RAD50: variants seen among roughly 807,000 people sequenced by gnomAD.
RAD50 encodes RAD50 double strand break repair protein.
Under a neutral mutation model 168.8 loss-of-function variants are expected in RAD50, and 132 were observed. The ratio of observed to expected loss-of-function variants is 0.78; its 90% CI spans 0.68 to 0.90. The LOEUF is 0.90. Ranked by LOEUF, RAD50 falls within the 40% of genes least tolerant of loss-of-function variation. RAD50 has a pLI of 0.00. For missense variants in RAD50, 1,347 were observed against 1,534.4 expected (o/e 0.88, Z 2.04); for synonymous variants, 525 against 497.4 (o/e 1.06, Z -0.74).
chr5:132,603,725 GCTTC>G (rs1189999704), intron 14 of RAD50, among the ~76,000 whole-genome samples, 191 bp from the exon 15 acceptor site: 1 of 152,054 alleles, frequency 6.6e-6, no homozygotes, highest in African/African-American at 2.4e-5. Context: ...TCTTTAGTCA[GCTTC>G]CTTTTGTTTA....
intron 4 of RAD50, 164 bp downstream of exon 4, chr5:132,579,666 T>C: frequency 1.2e-6 from 1 of 840,628 alleles, no homozygotes; most frequent in Non-Finnish European, 1.9e-6. Flanking sequence ...CACTTGTCTT[T>C]CTGTGCGTAT....
intron 19 of RAD50, among the ~76,000 whole-genome samples, chr5:132,610,124 ATCAAC>A (rs1309597101): frequency 6.6e-6 from 1 of 151,924 alleles, no homozygotes; most frequent in East Asian, 1.9e-4. Context: ...GATTTTACCT[ATCAAC>A]TCACAGATGT....
chr5:132,606,040 T>A lies in RAD50; in HGVS notation c.2718+1041T>A, dbSNP rs1019216311. On this transcript the variant is annotated intron_variant, in intron 16 of 24. Transcript: ENST00000378823. ...CAAGAGAAAGCAGGAAATAACTGAA[T>A]TCAACACCTTAACATCAAAATTAAA... Among the ~76,000 whole-genome samples the A allele has an allele frequency of 2.2e-4, 34 of 152,074 alleles. 1 individual carries two copies. The highest frequency in any genetic ancestry group is 7.7e-4 in the African/African-American group (32 of 41,496).
At chr5:132,639,950 C>T (rs1751680712) in intron 23 of RAD50, among the ~76,000 whole-genome samples, 1 of 152,194 alleles carries the variant, frequency 6.6e-6, no homozygotes, top group African/African-American at 2.4e-5. Context: ...GGAAAGGGGA[C>T]TTACAGCTCA....
At chr5:132,581,559 A>G (rs1750505176) in intron 5 of RAD50, among the ~76,000 whole-genome samples, 3 of 152,218 alleles carry the variant, frequency 2.0e-5, no homozygotes, top group Non-Finnish European at 2.9e-5. Context: ...TTTACCTGCA[A>G]CTTTTTTTAA....
chr5:132,619,297 G>A (rs1050329433), intron 21 of RAD50, among the ~76,000 whole-genome samples: 1 of 152,048 alleles, frequency 6.6e-6, no homozygotes, highest in African/African-American at 2.4e-5. Context: ...AGTATATAAG[G>A]GTTTATTTGA....
chr5:132,613,672 C>T (rs1480517482), intron 19 of RAD50, among the ~76,000 whole-genome samples: 1 of 145,630 alleles, frequency 6.9e-6, no homozygotes, highest in Non-Finnish European at 1.5e-5. Flanking sequence ...GGCACAATCT[C>T]GGCTCACTGC....
At chr5:132,635,784 T>C (rs1482775251) in intron 21 of RAD50, among the ~76,000 whole-genome samples, 1 of 152,246 alleles carries the variant, frequency 6.6e-6, no homozygotes, top group Non-Finnish European at 1.5e-5. Context: ...CTTTACATGA[T>C]TGGTCTAACA....
chr5:132,602,152 T>A (rs1018487405), intron 13 of RAD50, among the ~76,000 whole-genome samples: 4 of 152,128 alleles, frequency 2.6e-5, no homozygotes, highest in African/African-American at 7.2e-5. Flanking sequence ...TTAAAAAATT[T>A]TAAAAAACTA....
intron 2 of RAD50, among the ~76,000 whole-genome samples, 170 bp from the exon 3 acceptor site, chr5:132,575,607 A>G (rs1750380803): frequency 6.6e-6 from 1 of 152,246 alleles, no homozygotes; most frequent in African/African-American, 2.4e-5. Context: ...TTTGTAAATT[A>G]ATTAAACAGT....
chr5:132,590,895 A>G (rs1451441961), intron 9 of RAD50, among the ~76,000 whole-genome samples: 3 of 152,236 alleles, frequency 2.0e-5, no homozygotes, highest in Admixed American at 6.5e-5. Context: ...ACATGGGGAC[A>G]TAATAAATAT....
intron 7 of RAD50, 123 bp from the exon 8 acceptor site, chr5:132,588,564 G>C (rs1281187796): frequency 1.0e-6 from 1 of 968,612 alleles, no homozygotes; most frequent in Non-Finnish European, 1.5e-6. Context: ...TTATCATTGG[G>C]AGAAACTGGG....
chr5:132,604,889 C>G lies in RAD50; in HGVS notation c.2608C>G (p.Leu870Val). The change falls in exon 16 of 25, where the codon CTA (leucine) becomes GTA (valine). Residue 870 changes from leucine to valine, a missense_variant. This residue lies in a region of RAD50 where 635 missense variants were observed against 739.2 expected (regional missense o/e 0.86). Coordinates refer to ENST00000378823, the MANE Select transcript of RAD50 (RefSeq NM_005732.4). ...IQHLKSTTNELKSEKLQISTN... is the reference protein window; with the variant it reads ...IQHLKSTTNEVKSEKLQISTN... ...ACATCTAAAAAGTACAACAAATGAG[C>G]TAAAATCTGAGAAACTTCAGATATC... The G allele has an allele frequency of 6.2e-7, 1 of 1,613,468 alleles. No individual in the cohort carries two copies. Among genetic ancestry groups the G allele is most frequent in the Non-Finnish European group, 8.5e-7 (1 of 1,179,450 alleles).
At chr5:132,582,930 C>A (rs1014645070) in intron 5 of RAD50, among the ~76,000 whole-genome samples, 23 of 152,110 alleles carry the variant, frequency 1.5e-4, no homozygotes, top group African/African-American at 5.6e-4. Context: ...GATCTGGTGA[C>A]TGGCTGGATT....
Position 132,594,849 on chromosome 5 carries a change from CA to C in RAD50, c.1794-19del. On this transcript the variant is annotated intron_variant, in intron 11 of 24. Transcript: ENST00000378823. ...TTTCTCCTATTTTAAAATGAAAATC[CA>C]TATTTGCTCTTATTTTAGCAAGGAA... 6.3e-7 allele frequency: 1 copy of C among 1,584,468 alleles called. No individual in the cohort carries two copies. The highest frequency in any genetic ancestry group is 8.7e-7 in the Non-Finnish European group (1 of 1,154,704).
rs2149847906 is a variant in RAD50 at position 132,605,017 on chromosome 5, T to C, written c.2718+18T>C. On this transcript the variant is annotated intron_variant, in intron 16 of 24. Transcript: ENST00000378823. Reference sequence around the variant, plus strand: ...AGATAAAGGTAAGAATATCCATACATGTTTTTTGTAAAATTATTTTAATTA... The same window carrying C: ...AGATAAAGGTAAGAATATCCATACACGTTTTTTGTAAAATTATTTTAATTA... 2 of 1,498,832 alleles carry C rather than the reference T, an allele frequency of 1.3e-6. No homozygotes were observed. Among genetic ancestry groups the C allele is most frequent in the Non-Finnish European group, 9.1e-7 (1 of 1,102,750 alleles). The allele number at this position is 1,498,832 out of a possible 1,614,324, so 92.8% of individuals were successfully genotyped here. A position where few individuals can be genotyped will look rare whatever the true frequency, so the allele number is the denominator to read the frequency against.
Position 132,588,667 on chromosome 5 carries a change from T to C in RAD50, c.1052-20T>C. 2.5e-6 allele frequency: 4 copies of C among 1,605,962 alleles called. No homozygotes were observed. The highest frequency in any genetic ancestry group is 1.1e-5 in the South Asian group (1 of 89,066). On this transcript the variant is annotated intron_variant, in intron 7 of 24. Coordinates refer to ENST00000378823, the MANE Select transcript of RAD50 (RefSeq NM_005732.4). The stretch of plus-strand genomic sequence containing the variant: ...TAAGCACCAGTTGAAAAAAAAATTA[T>C]GAGATTTTTTTTTTAAAAGGTCGTC...
intron 13 of RAD50, among the ~76,000 whole-genome samples, chr5:132,601,990 G>T (rs895228022): frequency 6.6e-6 from 1 of 152,070 alleles, no homozygotes; most frequent in African/African-American, 2.4e-5. Flanking sequence ...CTGGTGGGGG[G>T]CTAGGGGAGG....
At chr5:132,638,435 G>T (rs1276409881) in intron 23 of RAD50, among the ~76,000 whole-genome samples, 1 of 152,154 alleles carries the variant, frequency 6.6e-6, no homozygotes, top group Non-Finnish European at 1.5e-5. Flanking sequence ...TAAAAGAAGG[G>T]CCTGAAGCAT....
Sources: allele counts gnomAD v4.1 joint callset (sites outside exome capture counted in the v4.1 genomes callset), GRCh38; gene constraint gnomAD v4.1.1; regional missense constraint gnomAD v4.1.1; transcripts MANE v1.5; gene names NCBI Gene and HGNC (gene_info 2026-07-23, HGNC 2026-07-21).